OSBPL1A: variants seen among roughly 807,000 people sequenced by gnomAD.
The protein encoded by OSBPL1A is oxysterol binding protein like 1A.
Under a neutral mutation model 137.1 loss-of-function variants are expected in OSBPL1A, and 80 were observed. The ratio of observed to expected loss-of-function variants is 0.58; its 90% CI spans 0.49 to 0.70. The LOEUF is 0.70. Ranked by LOEUF, OSBPL1A falls within the 30% of genes least tolerant of loss-of-function variation. The probability of loss-of-function intolerance (pLI) is 0.00; values close to 1 mark genes in which losing one functional copy is unlikely to be tolerated. For synonymous variants in OSBPL1A, 365 were observed against 389.7 expected (o/e 0.94, Z 0.75); for missense variants, 970 against 1,129.4 (o/e 0.86, Z 2.02).
chr18:24,231,329 G>A (rs1023208948), intron 16 of OSBPL1A, among the ~76,000 whole-genome samples: 7 of 152,040 alleles, frequency 4.6e-5, no homozygotes, highest in Non-Finnish European at 8.8e-5. Flanking sequence ...CTCTTGCTCT[G>A]GCACCCAGTC....
chr18:24,360,727 A>C (rs947885494), intron 4 of OSBPL1A, among the ~76,000 whole-genome samples: 10 of 152,004 alleles, frequency 6.6e-5, no homozygotes, highest in African/African-American at 2.4e-4. Context: ...TATCTCAGGT[A>C]CTCTGTTTTC....
rs756218423 is a variant in OSBPL1A at position 24,178,051 on chromosome 18, T to C, written c.2055A>G (p.Glu685=). The C allele has an allele frequency of 5.0e-6, 8 of 1,613,882 alleles. No homozygotes were observed. The highest frequency in any genetic ancestry group is 2.2e-5 in the South Asian group (2 of 91,072). ...AGGTGATGGTTCCTTTGGGTTCTGC[T>C]TCTACACTCTTCCCCCAGAATTTCA... ...PKLKFWGKSV[E]AEPKGTITLE... Residue 685 remains glutamate (E), a synonymous_variant, in exon 21 of 28, where the codon GAA becomes GAG. Coordinates refer to ENST00000319481, the MANE Select transcript of OSBPL1A (RefSeq NM_080597.4).
intron 17 of OSBPL1A, chr18:24,218,498 C>G (rs1189668177): frequency 6.6e-6 from 1 of 152,266 alleles, no homozygotes; most frequent in African/African-American, 2.4e-5. Context: ...GGCTGGAGAG[C>G]AGTGGGGTGC....
intron 7 of OSBPL1A, among the ~76,000 whole-genome samples, chr18:24,326,777 T>C (rs1431819879): frequency 6.6e-6 from 1 of 152,146 alleles, no homozygotes; most frequent in Admixed American, 6.5e-5. Flanking sequence ...ATTCTTGAGG[T>C]AGTATCATTA....
Position 24,178,212 on chromosome 18 carries a change from A to G in OSBPL1A, c.1911-17T>C, listed in dbSNP as rs2145920156. On this transcript the variant is annotated splice_polypyrimidine_tract_variant and intron_variant, in intron 20 of 27. Coordinates refer to ENST00000319481, the MANE Select transcript of OSBPL1A (RefSeq NM_080597.4). ...AGGTCATCTCTTAAGATTTAAAAAA[A>G]AAAAAAAAGAAAAAAAAAAGCAACA... The G allele has an allele frequency of 2.0e-6, 3 of 1,515,978 alleles. No homozygotes were observed. The highest frequency in any genetic ancestry group is 1.8e-6 in the Non-Finnish European group (2 of 1,127,286). 93.9% of individuals were successfully genotyped at this position (1,515,978 alleles called of 1,614,324 possible).
chr18:24,163,104 C>T lies in OSBPL1A; in HGVS notation c.*75G>A. 1.8e-6 allele frequency: 2 copies of T among 1,113,046 alleles called. No homozygotes were observed. Among genetic ancestry groups the T allele is most frequent in the Non-Finnish European group, 2.6e-6 (2 of 780,980 alleles). The allele number at this position is 1,113,046 out of a possible 1,614,324, so 68.9% of individuals were successfully genotyped here. A position where few individuals can be genotyped will look rare whatever the true frequency, so the allele number is the denominator to read the frequency against. ...TTTTTTTTAAAAGATAAGTAGAAAC[C>T]AAGGGAAAAAAATTTAAAAACATAG... is the stretch of plus-strand genomic sequence containing the variant. On this transcript the variant is annotated 3_prime_UTR_variant, in exon 28 of 28. Coordinates refer to ENST00000319481, the MANE Select transcript of OSBPL1A (RefSeq NM_080597.4).
At chr18:24,254,415 T>C (rs1246886657) in intron 15 of OSBPL1A, among the ~76,000 whole-genome samples, 1 of 152,188 alleles carries the variant, frequency 6.6e-6, no homozygotes, top group African/African-American at 2.4e-5. Context: ...CCTCAGTACA[T>C]GTATCATTCT....
intron 16 of OSBPL1A, among the ~76,000 whole-genome samples, chr18:24,231,090 T>C (rs2088262226): frequency 1.3e-5 from 2 of 152,044 alleles, no homozygotes; most frequent in Admixed American, 1.3e-4. Flanking sequence ...TCAAAAACAT[T>C]AAGAAGTGTC....
chr18:24,324,455 T>TAA (rs145135815), intron 7 of OSBPL1A, among the ~76,000 whole-genome samples: 1 of 12,982 alleles, frequency 7.7e-5, no homozygotes. Flanking sequence ...CTGAAAAAGT[T>TAA]AAAAAAAAAA....
chr18:24,217,248 A>T (rs1399160594), intron 17 of OSBPL1A, among the ~76,000 whole-genome samples: 1 of 148,642 alleles, frequency 6.7e-6, no homozygotes, highest in Non-Finnish European at 1.5e-5. Context: ...TTTTTGAGAC[A>T]AGTTTTGCTC....
intron 15 of OSBPL1A, among the ~76,000 whole-genome samples, chr18:24,259,730 CG>C (rs892270894): frequency 6.6e-6 from 1 of 151,802 alleles, no homozygotes; most frequent in Non-Finnish European, 1.5e-5. Flanking sequence ...ATACATGTAA[CG>C]TTTTTATAAA....
chr18:24,233,834 T>C (rs942231053), intron 16 of OSBPL1A, among the ~76,000 whole-genome samples: 3 of 152,146 alleles, frequency 2.0e-5, no homozygotes, highest in African/African-American at 4.8e-5. Context: ...GTATTTTTAG[T>C]AGAGGCAGGG....
intron 14 of OSBPL1A, among the ~76,000 whole-genome samples, chr18:24,288,764 C>CAAA (rs10627986): frequency 0.35 from 43,709 of 126,478 alleles, 7,552 homozygotes; most frequent in Middle Eastern, 0.47. Flanking sequence ...AAGACTGTCT[C>CAAA]AAAAAAAAAA....
At chr18:24,220,577 C>T (rs2087857159) in intron 17 of OSBPL1A, among the ~76,000 whole-genome samples, 2 of 152,142 alleles carry the variant, frequency 1.3e-5, no homozygotes, top group South Asian at 4.1e-4. Flanking sequence ...TTGCTCTTTT[C>T]CTTACTGCTC....
At chr18:24,249,757 G>A (rs1312019116) in intron 15 of OSBPL1A, among the ~76,000 whole-genome samples, 1 of 152,192 alleles carries the variant, frequency 6.6e-6, no homozygotes, top group Non-Finnish European at 1.5e-5. Context: ...CAGAACTCGA[G>A]TTTGTTGGCA....
intron 16 of OSBPL1A, among the ~76,000 whole-genome samples, chr18:24,238,550 C>T (rs1193444214): frequency 6.6e-6 from 1 of 152,200 alleles, no homozygotes; most frequent in Admixed American, 6.5e-5. Context: ...CTCATTTAGT[C>T]ATCACACGAC....
At chr18:24,353,618 T>C (rs9963393) in intron 4 of OSBPL1A, among the ~76,000 whole-genome samples, 47,591 of 147,186 alleles carry the variant, frequency 0.32, 7,807 homozygotes, top group East Asian at 0.5. Flanking sequence ...CACATGCACA[T>C]GTATGTTTAT....
rs773036165 is a variant in OSBPL1A, at chr18:24,181,262, C to T, written c.1695G>A (p.Thr565=). ...GAGGCTCATTAAATATAACTGGCAT[C>T]GTGATCTTGGATAGTTCCTATTTAA... ...KCIGMELSKI[T]MPVIFNEPLS... is the part of the protein sequence containing the mutation. Residue 565 remains threonine (T), a synonymous_variant, in exon 19 of 28, where the codon ACG becomes ACA. Transcript: ENST00000319481. The T allele has an allele frequency of 7.4e-6, 12 of 1,613,960 alleles. No homozygotes were observed. The highest frequency in any genetic ancestry group is 2.2e-5 in the East Asian group (1 of 44,882).
chr18:24,371,193 C>G (rs1269262598), intron 2 of OSBPL1A, among the ~76,000 whole-genome samples: 2 of 152,150 alleles, frequency 1.3e-5, no homozygotes, highest in Admixed American at 6.5e-5. Flanking sequence ...TGAAGAAAAA[C>G]AACAGAGCCC....
Sources: allele counts gnomAD v4.1 joint callset (sites outside exome capture counted in the v4.1 genomes callset), GRCh38; gene constraint gnomAD v4.1.1; transcripts MANE v1.5; gene names NCBI Gene and HGNC (gene_info 2026-07-23, HGNC 2026-07-21).